Variants in FHOD3 observed in about 807,000 individuals in gnomAD.
FHOD3 encodes FH1/FH2 domain-containing protein 3.
FHOD3 carries 90 observed loss-of-function variants against 173.0 expected under a neutral mutation model. That is an observed-to-expected ratio of 0.52 (90% CI 0.44 to 0.62). The LOEUF is 0.62. Ranked by LOEUF, FHOD3 falls within the 20% of genes least tolerant of loss-of-function variation. FHOD3 has a pLI of 0.00. For synonymous variants in FHOD3, 828 were observed against 823.0 expected, an observed-to-expected ratio of 1.01 and a Z score of -0.10; for missense variants, 1,945 against 2,034.7, an observed-to-expected ratio of 0.96 and a Z score of 0.85.
chr18:36,460,954 G>A (rs990986871), intron 3 of FHOD3, among the ~76,000 whole-genome samples: 3 of 152,190 alleles, frequency 2.0e-5, no homozygotes, highest in African/African-American at 7.2e-5. Flanking sequence ...GGGCATAGCA[G>A]ATGAAAGTTG....
Position 36,501,842 on chromosome 18 carries a change from G to T in FHOD3, c.338-90G>T, listed in dbSNP as rs118027073. 0.011 allele frequency: 9,486 copies of T among 883,456 alleles called. 59 individuals carry two copies. Among genetic ancestry groups the T allele is most frequent in the Non-Finnish European group, 0.013 (7,695 of 577,074 alleles). 54.7% of individuals were successfully genotyped at this position (883,456 alleles called of 1,614,324 possible). On this transcript the variant is annotated intron_variant, in intron 3 of 28. Coordinates refer to ENST00000590592, the MANE Select transcript of FHOD3 (RefSeq NM_001281740.3). ...AATAGGCTTTCATTACCTTTCCAGG[G>T]ATAGTTTTGTTATCATTCATATCCT...
intron 1 of FHOD3, among the ~76,000 whole-genome samples, chr18:36,353,967 A>G (rs181141677): frequency 2.1e-5 from 3 of 143,878 alleles, no homozygotes; most frequent in East Asian, 2.3e-4. Flanking sequence ...CATAGGCAAG[A>G]AAAGAAAAGT....
intron 5 of FHOD3, among the ~76,000 whole-genome samples, chr18:36,539,865 G>T (rs1362696300): frequency 6.6e-6 from 1 of 152,180 alleles, no homozygotes. Flanking sequence ...TCCTGGAAGA[G>T]GCCTGGTTCC....
intron 5 of FHOD3, among the ~76,000 whole-genome samples, chr18:36,529,375 C>G (rs2056677020): frequency 1.3e-5 from 2 of 152,198 alleles, no homozygotes; most frequent in African/African-American, 4.8e-5. Context: ...GATTTGGGAA[C>G]AGTCTCCTTG....
At chr18:36,400,852 A>G (rs1056748493) in intron 3 of FHOD3, among the ~76,000 whole-genome samples, 21 of 152,234 alleles carry the variant, frequency 1.4e-4, no homozygotes, top group African/African-American at 5.1e-4. Flanking sequence ...CGGAAGCAGA[A>G]TAAGTGGTCA....
At chr18:36,702,796 C>T (rs991458613) in intron 17 of FHOD3, among the ~76,000 whole-genome samples, 1 of 152,242 alleles carries the variant, frequency 6.6e-6, no homozygotes, top group African/African-American at 2.4e-5. Flanking sequence ...TTGAAACATT[C>T]CTGCCCACTG....
chr18:36,446,312 C>T (rs779369343), intron 3 of FHOD3, among the ~76,000 whole-genome samples: 5 of 152,150 alleles, frequency 3.3e-5, no homozygotes, highest in Non-Finnish European at 5.9e-5. Context: ...GTGAAATCAC[C>T]AGCAACGTGA....
intron 2 of FHOD3, among the ~76,000 whole-genome samples, chr18:36,368,547 C>T (rs1300689204): frequency 2.0e-5 from 3 of 152,180 alleles, no homozygotes; most frequent in Non-Finnish European, 4.4e-5. Context: ...GTGACTTCAG[C>T]TCCATTGCTT....
intron 6 of FHOD3, among the ~76,000 whole-genome samples, chr18:36,594,414 G>A (rs2029945088): frequency 6.6e-6 from 1 of 152,164 alleles, no homozygotes; most frequent in South Asian, 2.1e-4. Flanking sequence ...TGGTGCTTAT[G>A]TCTACCTCAC....
At chr18:36,454,661 A>AT (rs3058099) in intron 3 of FHOD3, among the ~76,000 whole-genome samples, 6,618 of 145,962 alleles carry the variant, frequency 0.045, 458 homozygotes, top group African/African-American at 0.15. Flanking sequence ...TGTCCGTTCC[A>AT]TTTTTTTTTT....
intron 5 of FHOD3, among the ~76,000 whole-genome samples, chr18:36,519,866 C>A (rs2056183949): frequency 6.6e-6 from 1 of 151,878 alleles, no homozygotes; most frequent in African/African-American, 2.4e-5. Context: ...GGTTTTCCCT[C>A]TTACTCTCTT....
intron 1 of FHOD3, among the ~76,000 whole-genome samples, chr18:36,322,454 G>A (rs1213229435): frequency 1.3e-5 from 2 of 152,150 alleles, no homozygotes; most frequent in African/African-American, 2.4e-5. Context: ...GGGGATGGGT[G>A]AAGGGGTAAG....
At chr18:36,560,475 G>A (rs1440046388) in intron 5 of FHOD3, among the ~76,000 whole-genome samples, 1 of 152,156 alleles carries the variant, frequency 6.6e-6, no homozygotes, top group Non-Finnish European at 1.5e-5. Flanking sequence ...GCCACTACTT[G>A]CCTGGCCTAC....
intron 3 of FHOD3, among the ~76,000 whole-genome samples, chr18:36,477,400 A>T (rs2053629500): frequency 6.6e-6 from 1 of 152,160 alleles, no homozygotes. Flanking sequence ...TCAAGGGAAG[A>T]TAACTGAGAC....
At chr18:36,608,870 T>G (rs1178058282) in intron 8 of FHOD3, among the ~76,000 whole-genome samples, 1 of 152,252 alleles carries the variant, frequency 6.6e-6, no homozygotes, top group African/African-American at 2.4e-5. Flanking sequence ...GTAGTATTCC[T>G]TGTAGAGATG....
intron 1 of FHOD3, among the ~76,000 whole-genome samples, chr18:36,306,441 C>T (rs1265953091): frequency 2.0e-5 from 3 of 152,116 alleles, no homozygotes; most frequent in African/African-American, 7.2e-5. Context: ...AGAACATAGC[C>T]ATTAATGGAA....
At chr18:36,436,490 G>A (rs2050816812) in intron 3 of FHOD3, among the ~76,000 whole-genome samples, 1 of 152,030 alleles carries the variant, frequency 6.6e-6, no homozygotes, top group Non-Finnish European at 1.5e-5. Flanking sequence ...AAAGATCAGT[G>A]GGCAGAAAAA....
intron 3 of FHOD3, among the ~76,000 whole-genome samples, chr18:36,403,112 T>A (rs2048904752): frequency 6.6e-6 from 1 of 152,150 alleles, no homozygotes; most frequent in African/African-American, 2.4e-5. Context: ...GAAAATCCTC[T>A]AAGACCAGAG....
chr18:36,643,316 A>G (rs1173131394), intron 10 of FHOD3, among the ~76,000 whole-genome samples: 1 of 151,916 alleles, frequency 6.6e-6, no homozygotes, highest in African/African-American at 2.4e-5. Context: ...TATTCTGTGC[A>G]TTGTGGGATG....
Sources: allele counts gnomAD v4.1 joint callset (sites outside exome capture counted in the v4.1 genomes callset), GRCh38; gene constraint gnomAD v4.1.1; transcripts MANE v1.5; gene names NCBI Gene and HGNC (gene_info 2026-07-23, HGNC 2026-07-21).